SHTN1: variants seen among roughly 807,000 people sequenced by gnomAD.
SHTN1 encodes the protein shootin-1.
Under a neutral mutation model 83.1 loss-of-function variants are expected in SHTN1, and 42 were observed. The ratio of observed to expected loss-of-function variants is 0.51; its 90% CI spans 0.39 to 0.65. The LOEUF (loss-of-function observed/expected upper bound fraction) is 0.65. SHTN1 is among the 30% of genes least tolerant of loss of function. The probability of loss-of-function intolerance (pLI) is 0.00; values close to 1 mark genes in which losing one functional copy is unlikely to be tolerated. For missense variants in SHTN1, 622 were observed against 737.8 expected, an observed-to-expected ratio of 0.84 and a Z score of 1.82; for synonymous variants, 224 against 247.7, an observed-to-expected ratio of 0.90 and a Z score of 0.90.
intron 2 of SHTN1, among the ~76,000 whole-genome samples, chr10:117,031,477 T>C (rs1022753791): frequency 1.3e-5 from 2 of 152,278 alleles, no homozygotes; most frequent in South Asian, 2.1e-4. Context: ...GTAACTGCAG[T>C]GTATAAACTA....
rs555408920 is a variant in SHTN1, at chr10:116,946,631, T to C, written c.617-1613A>G. ...TTTATATATAAATATATAAAATGAT[T>C]TATATATAAATATATAAAATGATTT... On this transcript the variant is annotated intron_variant, in intron 7 of 16. Coordinates refer to ENST00000355371, the MANE Select transcript of SHTN1 (RefSeq NM_001127211.3). Among the ~76,000 whole-genome samples the C allele has an allele frequency of 2.7e-3, 275 of 100,464 alleles. 4 individuals are homozygous for C. The highest frequency in any genetic ancestry group is 0.012 in the South Asian group (39 of 3,216). 65.9% of individuals were successfully genotyped at this position (100,464 alleles called of 152,430 possible).
At position 116,921,529 on chromosome 10, in the gene SHTN1, G is replaced by GAAA; in HGVS notation, c.1113-16_1113-14dup. 6.2e-7 allele frequency: 1 copy of GAAA among 1,601,678 alleles called. No individual in the cohort carries two copies. Among genetic ancestry groups the GAAA allele is most frequent in the Non-Finnish European group, 8.5e-7 (1 of 1,171,770 alleles). The stretch of plus-strand genomic sequence containing the variant: ...GGACATGAGGGATCTTTGGGAGAAA[G>GAAA]AAAAAGATCAACAGGAGATTACTGG... On this transcript the variant is annotated splice_polypyrimidine_tract_variant and intron_variant, in intron 11 of 16. Transcript: ENST00000355371.
Position 116,883,608 on chromosome 10 carries a change from A to G in SHTN1, c.*2736T>C, listed in dbSNP as rs1847084171. ...TGTGATACAGACTATCATTTACTGAACACACAACCAAAAACTGGTCTGGAA... is the reference window on the plus strand; with the variant it reads ...TGTGATACAGACTATCATTTACTGAGCACACAACCAAAAACTGGTCTGGAA... On this transcript the variant is annotated 3_prime_UTR_variant, in exon 17 of 17. Transcript: ENST00000355371. 1 of 152,560 alleles carries G rather than the reference A, an allele frequency of 6.6e-6. No individual in the cohort carries two copies. The highest frequency in any genetic ancestry group is 6.5e-5 in the Admixed American group (1 of 15,336). The allele number at this position is 152,560 out of a possible 1,614,324, so 9.5% of individuals were successfully genotyped here. A position where few individuals can be genotyped will look rare whatever the true frequency, so the allele number is the denominator to read the frequency against.
At chr10:116,900,178 A>G (rs911975187) in intron 16 of SHTN1, 7 of 198,200 alleles carry the variant, frequency 3.5e-5, no homozygotes, top group Non-Finnish European at 6.1e-5. Flanking sequence ...TTATTTAGCT[A>G]AAGAATGTCA....
chr10:116,889,047 G>A (rs1221017209), intron 16 of SHTN1, among the ~76,000 whole-genome samples: 1 of 152,154 alleles, frequency 6.6e-6, no homozygotes, highest in Non-Finnish European at 1.5e-5. Context: ...AAAGGAGGTA[G>A]TATTTCTCTC....
At chr10:116,987,643 G>A (rs1448821664) in intron 1 of SHTN1, among the ~76,000 whole-genome samples, 6 of 152,064 alleles carry the variant, frequency 3.9e-5, no homozygotes, top group African/African-American at 1.4e-4. Context: ...GAGGTCAGAC[G>A]CAGTGGCTCA....
chr10:116,900,948 AT>A (rs1847710010), intron 16 of SHTN1: 1 of 985,478 alleles, frequency 1.0e-6, no homozygotes, highest in Non-Finnish European at 1.2e-6. Flanking sequence ...TTCCAACTTC[AT>A]TTGTCCAGGT....
At chr10:117,098,314 GT>G (rs1564958657) in intron 1 of SHTN1, among the ~76,000 whole-genome samples, 1 of 149,652 alleles carries the variant, frequency 6.7e-6, no homozygotes, top group Non-Finnish European at 1.5e-5. Context: ...GGAGAATGGC[GT>G]GAACCCAGGG....
At chr10:116,929,010 A>C (rs1313254321) in intron 10 of SHTN1, among the ~76,000 whole-genome samples, 1 of 152,216 alleles carries the variant, frequency 6.6e-6, no homozygotes, top group Non-Finnish European at 1.5e-5. Flanking sequence ...AAAGAATGAA[A>C]TACTTCTTAA....
intron 8 of SHTN1, among the ~76,000 whole-genome samples, chr10:116,943,341 T>C (rs1016412001): frequency 1.3e-5 from 2 of 152,226 alleles, no homozygotes; most frequent in Non-Finnish European, 2.9e-5. Flanking sequence ...TATTCTAACA[T>C]CATTGTGCAA....
intron 1 of SHTN1, among the ~76,000 whole-genome samples, chr10:116,999,210 C>T (rs181652808): frequency 3.3e-5 from 5 of 152,274 alleles, no homozygotes; most frequent in Admixed American, 1.3e-4. Context: ...CATTGTGGTA[C>T]GTCTGTACAT....
chr10:116,924,837 A>C (rs1848686591), intron 11 of SHTN1, among the ~76,000 whole-genome samples: 1 of 145,696 alleles, frequency 6.9e-6, no homozygotes, highest in Non-Finnish European at 1.5e-5. Context: ...GGCTCGCTGC[A>C]AGCTCTGCCT....
At chr10:117,112,889 C>A (rs537747945) in intron 1 of SHTN1, among the ~76,000 whole-genome samples, 29 of 152,274 alleles carry the variant, frequency 1.9e-4, no homozygotes, top group African/African-American at 5.3e-4. Context: ...CAGTTTTGAT[C>A]GTTGACAATT....
At chr10:117,054,934 G>A (rs571349335) in intron 1 of SHTN1, among the ~76,000 whole-genome samples, 4 of 152,104 alleles carry the variant, frequency 2.6e-5, no homozygotes, top group African/African-American at 7.2e-5. Flanking sequence ...AACTGTATTC[G>A]TCTGTTTTCA....
chr10:117,092,863 T>C (rs1234189740), intron 1 of SHTN1, among the ~76,000 whole-genome samples: 1 of 152,158 alleles, frequency 6.6e-6, no homozygotes, highest in African/African-American at 2.4e-5. Context: ...ATGTAATACT[T>C]TCTTCAGCTC....
intron 1 of SHTN1, among the ~76,000 whole-genome samples, chr10:117,106,082 C>T (rs1237521855): frequency 6.6e-6 from 1 of 152,042 alleles, no homozygotes; most frequent in Non-Finnish European, 1.5e-5. Context: ...TGCATTCCAG[C>T]CTGGGCGACA....
chr10:116,959,460 A>G (rs1850100791), intron 4 of SHTN1, among the ~76,000 whole-genome samples: 1 of 152,176 alleles, frequency 6.6e-6, no homozygotes, highest in Non-Finnish European at 1.5e-5. Flanking sequence ...AAGAAACACA[A>G]CCAGTATTAC....
intron 4 of SHTN1, among the ~76,000 whole-genome samples, chr10:116,957,784 G>A (rs1361269165): frequency 3.9e-5 from 6 of 152,022 alleles, no homozygotes; most frequent in African/African-American, 1.2e-4. Context: ...GAGGAACTGG[G>A]CGCAGTGGCT....
intron 2 of SHTN1, among the ~76,000 whole-genome samples, chr10:117,012,568 G>A (rs1852122925): frequency 6.6e-6 from 1 of 151,918 alleles, no homozygotes; most frequent in Non-Finnish European, 1.5e-5. Context: ...ATAAAAAGGA[G>A]CCGCAACACA....
Sources: allele counts gnomAD v4.1 joint callset (sites outside exome capture counted in the v4.1 genomes callset), GRCh38; gene constraint gnomAD v4.1.1; transcripts MANE v1.5; gene names NCBI Gene and HGNC (gene_info 2026-07-23, HGNC 2026-07-21).